Variants in ST3GAL4 observed in about 807,000 individuals in gnomAD.
ST3GAL4 encodes CMP-N-acetylneuraminate-beta-galactosamide-alpha-2,3-sialyltransferase 4.
In ST3GAL4, 24 loss-of-function variants were observed where a neutral mutation model predicts 42.6. That is an observed-to-expected ratio of 0.56 (90% CI 0.41 to 0.79). The LOEUF is 0.79. Ranked by LOEUF, ST3GAL4 falls within the 30% of genes least tolerant of loss-of-function variation. The pLI, the probability that ST3GAL4 is intolerant of heterozygous loss-of-function variation, is 0.00. For missense variants in ST3GAL4, 311 were observed against 430.8 expected (o/e 0.72, Z 2.46); for synonymous variants, 135 against 163.2 (o/e 0.83, Z 1.32).
intron 8 of ST3GAL4, 127 bp downstream of exon 8, chr11:126,408,623 C>T: frequency 1.7e-6 from 2 of 1,193,488 alleles, no homozygotes; most frequent in Non-Finnish European, 2.3e-6. Context: ...ATGAACCGGG[C>T]TCCCGGAAGT....
chr11:126,390,618 C>CTTTTTTTTTTTTTTTTTTTTTTTTTCTT (rs58153137), intron 1 of ST3GAL4, among the ~76,000 whole-genome samples: 5 of 126,676 alleles, frequency 3.9e-5, no homozygotes, highest in Non-Finnish European at 8.0e-5. Flanking sequence ...GTGTTCTTTG[C>CTTTTTTTTTTTTTTTTTTTTTTTTTCTT]TTTTTTTTTT....
At position 126,396,954 on chromosome 11, in the gene ST3GAL4, T is replaced by C. The variant is rs1484709233; in HGVS notation, c.-60-9142T>C. Among the ~76,000 whole-genome samples, 2 of 151,986 alleles carry C rather than the reference T, an allele frequency of 1.3e-5. No homozygotes were observed. The highest frequency in any genetic ancestry group is 1.3e-4 in the Admixed American group (2 of 15,272). Reference sequence around the variant, plus strand: ...GCATTTGGAAATGTCTGGAAACACTTTGTCACACCTGAGAAGAGGGATTTC... The same window carrying C: ...GCATTTGGAAATGTCTGGAAACACTCTGTCACACCTGAGAAGAGGGATTTC... On this transcript the variant is annotated intron_variant, in intron 1 of 10. Transcript: ENST00000444328. This position sits in a 1 kb window ranked among gnomAD's most constrained non-coding sequence, Gnocchi z 5.8.
rs371300179 is a variant in ST3GAL4 at position 126,383,426 on chromosome 11, GAGC to G, written c.-60-22654_-60-22652del. On this transcript the variant is annotated intron_variant, in intron 1 of 10. Transcript: ENST00000444328. The surrounding 1 kb of genome is among the most constrained non-coding windows in gnomAD (Gnocchi z 4.5). Reference sequence around the variant, plus strand: ...GAACCCACTGGGCCTGAGGGAGGTAGAGCAGCAGCAGCAGCAGCTGAGCCCAGC... The same window carrying G: ...GAACCCACTGGGCCTGAGGGAGGTAGAGCAGCAGCAGCAGCTGAGCCCAGC... Among the ~76,000 whole-genome samples, 9 of 152,232 alleles carry G rather than the reference GAGC, an allele frequency of 5.9e-5. No individual in the cohort carries two copies. The highest frequency in any genetic ancestry group is 4.1e-4 in the South Asian group (2 of 4,822).
chr11:126,374,230 T>A (rs1482469938), intron 1 of ST3GAL4, among the ~76,000 whole-genome samples: 2 of 151,872 alleles, frequency 1.3e-5, no homozygotes, highest in Non-Finnish European at 2.9e-5. Context: ...GTTTGGCAGA[T>A]CACTTGAGGT....
At position 126,371,163 on chromosome 11, in the gene ST3GAL4, CTTTTT is replaced by C. The variant is rs551443393; in HGVS notation, c.-61+15336_-61+15340del. 6.7e-5 allele frequency among the ~76,000 whole-genome samples: 4 copies of C among 59,964 alleles called. 1 individual carries two copies. In the East Asian group the frequency reaches 9.0e-4, roughly 14 times the overall value. 39.3% of individuals were successfully genotyped at this position (59,964 alleles called of 152,430 possible). On this transcript the variant is annotated intron_variant, in intron 1 of 10. Coordinates refer to ENST00000444328, the MANE Select transcript of ST3GAL4 (RefSeq NM_001254757.2). The stretch of plus-strand genomic sequence containing the variant: ...ATCTATTCTATTCTTCCCCACATTC[CTTTTT>C]TTTTTTTTTTTTTTGAGATGGAGTC...
At chr11:126,395,442 A>C (rs1953707341) in intron 1 of ST3GAL4, among the ~76,000 whole-genome samples, 1 of 152,162 alleles carries the variant, frequency 6.6e-6, no homozygotes, top group South Asian at 2.1e-4. Context: ...GTGAGCATAA[A>C]TCGCAAAGGC....
At chr11:126,361,640 A>G (rs1952247870) in intron 1 of ST3GAL4, among the ~76,000 whole-genome samples, 1 of 151,858 alleles carries the variant, frequency 6.6e-6, no homozygotes, top group African/African-American at 2.4e-5. Context: ...TGCAGGTCCT[A>G]TGCCTGTGAC....
At position 126,363,904 on chromosome 11, in the gene ST3GAL4, C is replaced by G. The variant is rs1952338698; in HGVS notation, c.-61+8062C>G. Among the ~76,000 whole-genome samples the G allele has an allele frequency of 6.6e-6, 1 of 152,264 alleles. No homozygotes were observed. Among genetic ancestry groups the G allele is most frequent in the African/African-American group, 2.4e-5 (1 of 41,472 alleles). ...GGCCCGGCACCGTGTCGCCCTGCCCCAGCCCAGAGCTTGCCTCTGTTGGCT... is the reference window on the plus strand; with the variant it reads ...GGCCCGGCACCGTGTCGCCCTGCCCGAGCCCAGAGCTTGCCTCTGTTGGCT... On this transcript the variant is annotated intron_variant, in intron 1 of 10. Transcript: ENST00000444328. This position sits in a 1 kb window ranked among gnomAD's most constrained non-coding sequence, Gnocchi z 4.6.
intron 1 of ST3GAL4, among the ~76,000 whole-genome samples, chr11:126,374,244 G>A (rs545773217): frequency 1.3e-4 from 20 of 151,898 alleles, no homozygotes; most frequent in Non-Finnish European, 1.8e-4. Flanking sequence ...TTGAGGTCAG[G>A]AGTTCGAGAC....
At chr11:126,380,154 T>C (rs1031398956) in intron 1 of ST3GAL4, among the ~76,000 whole-genome samples, 4 of 151,464 alleles carry the variant, frequency 2.6e-5, no homozygotes, top group Admixed American at 1.3e-4. Context: ...CCCAGCTACT[T>C]GGAAGGCTGA....
At chr11:126,402,320 G>A (rs1342900419) in intron 1 of ST3GAL4, among the ~76,000 whole-genome samples, 1 of 152,078 alleles carries the variant, frequency 6.6e-6, no homozygotes, top group Admixed American at 6.5e-5. Flanking sequence ...GCCGGGCATG[G>A]TGACACATGC....
At chr11:126,377,318 G>A (rs1161216135) in intron 1 of ST3GAL4, among the ~76,000 whole-genome samples, 1 of 151,768 alleles carries the variant, frequency 6.6e-6, no homozygotes. Flanking sequence ...CTACAGGTGT[G>A]TACCACCACA....
At position 126,411,970 on chromosome 11, in the gene ST3GAL4, C is replaced by T. The variant is rs1323911353; in HGVS notation, c.772-1535C>T. 6.6e-6 allele frequency among the ~76,000 whole-genome samples: 1 copy of T among 152,150 alleles called. No homozygotes were observed. The highest frequency in any genetic ancestry group is 2.4e-5 in the African/African-American group (1 of 41,400). On this transcript the variant is annotated intron_variant, in intron 9 of 10. Transcript: ENST00000444328. The surrounding 1 kb of genome is among the most constrained non-coding windows in gnomAD (Gnocchi z 6.3). ...GCATCATATTCACGGGCTCCCCACA[C>T]GCGCAAGGGAGGAGATTACATGAGG...
rs1399791157 is a variant in ST3GAL4, at chr11:126,392,390, C to T, written c.-60-13706C>T. 1.0e-6 allele frequency: 1 copy of T among 985,476 alleles called. No individual in the cohort carries two copies. Among genetic ancestry groups the T allele is most frequent in the Non-Finnish European group, 1.2e-6 (1 of 829,708 alleles). 61.0% of individuals were successfully genotyped at this position (985,476 alleles called of 1,614,324 possible). On this transcript the variant is annotated intron_variant, in intron 1 of 10. Coordinates refer to ENST00000444328, the MANE Select transcript of ST3GAL4 (RefSeq NM_001254757.2). The surrounding 1 kb of genome is among the most constrained non-coding windows in gnomAD (Gnocchi z 5.8). ...AAGATCAGTCGGACATGACAACCTCCAGTTCTGCAGAAGCCACTTCATTTG... is the reference window on the plus strand; with the variant it reads ...AAGATCAGTCGGACATGACAACCTCTAGTTCTGCAGAAGCCACTTCATTTG...
At chr11:126,370,336 T>C (rs983788651) in intron 1 of ST3GAL4, among the ~76,000 whole-genome samples, 4 of 152,154 alleles carry the variant, frequency 2.6e-5, no homozygotes, top group African/African-American at 9.7e-5. Flanking sequence ...TTGTGAAAAA[T>C]GGTATCTCAA....
intron 1 of ST3GAL4, among the ~76,000 whole-genome samples, chr11:126,357,007 G>T (rs1213300707): frequency 2.6e-5 from 4 of 152,210 alleles, no homozygotes; most frequent in African/African-American, 9.7e-5. Context: ...CTGCACGGAG[G>T]GAGAGCTGTA....
At position 126,396,050 on chromosome 11, in the gene ST3GAL4, A is replaced by G. The variant is rs938522035; in HGVS notation, c.-60-10046A>G. On this transcript the variant is annotated intron_variant, in intron 1 of 10. Coordinates refer to ENST00000444328, the MANE Select transcript of ST3GAL4 (RefSeq NM_001254757.2). The surrounding 1 kb of genome is among the most constrained non-coding windows in gnomAD (Gnocchi z 5.8). ...GACCGGTCTGTTCTTGGCACTTGCA[A>G]TTAGCGGACCGTCTGTATCCGAGTG... Among the ~76,000 whole-genome samples the G allele has an allele frequency of 6.6e-6, 1 of 151,984 alleles. No homozygotes were observed. The highest frequency in any genetic ancestry group is 1.5e-5 in the Non-Finnish European group (1 of 68,000).
chr11:126,382,940 G>C (rs1484056319), intron 1 of ST3GAL4, among the ~76,000 whole-genome samples: 1 of 152,234 alleles, frequency 6.6e-6, no homozygotes, highest in East Asian at 1.9e-4. Context: ...GGCCTTGCAG[G>C]TTCCTGGATT....
At position 126,384,062 on chromosome 11, in the gene ST3GAL4, G is replaced by C. The variant is rs1953121725; in HGVS notation, c.-60-22034G>C. On this transcript the variant is annotated intron_variant, in intron 1 of 10. Transcript: ENST00000444328. This position sits in a 1 kb window ranked among gnomAD's most constrained non-coding sequence, Gnocchi z 5.5. ...CAGGGCCCTCTCCTCTGGCGAGCCT[G>C]CCTTGATACTCCCCGGCTCAACCCC... Among the ~76,000 whole-genome samples, 1 of 152,180 alleles carries C rather than the reference G, an allele frequency of 6.6e-6. No individual in the cohort carries two copies. Among genetic ancestry groups the C allele is most frequent in the African/African-American group, 2.4e-5 (1 of 41,444 alleles).
Sources: gnomAD v4.1 joint callset for allele counts (sites outside exome capture counted in the v4.1 genomes callset) on GRCh38, gnomAD v4.1.1 for gene constraint, Gnocchi (gnomAD v3.1) non-coding constraint, MANE v1.5 for transcripts, NCBI Gene and HGNC (gene_info 2026-07-23, HGNC 2026-07-21) for gene names.